CDH12: variants seen among roughly 807,000 people sequenced by gnomAD.
CDH12 encodes cadherin-12.
In CDH12, 41 loss-of-function variants were observed where a neutral mutation model predicts 74.1. The observed-to-expected ratio is 0.55, with a 90% confidence interval of 0.43 to 0.72. The LOEUF (loss-of-function observed/expected upper bound fraction) is 0.72, where lower values mean the gene tolerates loss of function less well. CDH12 is among the 30% of genes least tolerant of loss of function. The probability of loss-of-function intolerance (pLI) is 0.00; values close to 1 mark genes in which losing one functional copy is unlikely to be tolerated. For synonymous variants in CDH12, 399 were observed against 355.0 expected, an observed-to-expected ratio of 1.12 and a Z score of -1.39; for missense variants, 945 against 977.2, an observed-to-expected ratio of 0.97 and a Z score of 0.44.
At chr5:22,107,789 T>C (rs1012772270) in intron 4 of CDH12, among the ~76,000 whole-genome samples, 1 of 152,114 alleles carries the variant, frequency 6.6e-6, no homozygotes, top group Admixed American at 6.6e-5. Context: ...TATGGGTCCA[T>C]GAGGAGATAC....
At chr5:22,605,434 G>T (rs973340628) in intron 1 of CDH12, among the ~76,000 whole-genome samples, 2 of 152,192 alleles carry the variant, frequency 1.3e-5, no homozygotes, top group African/African-American at 2.4e-5. Context: ...TAAGGGTAAT[G>T]TTCTCAGACG....
chr5:22,132,342 G>A (rs1746219609), intron 4 of CDH12, among the ~76,000 whole-genome samples: 2 of 151,932 alleles, frequency 1.3e-5, no homozygotes, highest in South Asian at 2.1e-4. Flanking sequence ...CAAACAGGGG[G>A]CCCTTGCTAG....
intron 4 of CDH12, among the ~76,000 whole-genome samples, chr5:22,096,884 G>T (rs1205396988): frequency 6.6e-6 from 1 of 152,012 alleles, no homozygotes; most frequent in Non-Finnish European, 1.5e-5. Context: ...ATTAAATAAA[G>T]CTCCAAAAAT....
At chr5:22,621,522 T>C (rs1737972365) in intron 1 of CDH12, among the ~76,000 whole-genome samples, 1 of 152,056 alleles carries the variant, frequency 6.6e-6, no homozygotes, top group Non-Finnish European at 1.5e-5. Flanking sequence ...TTAGTGGGGA[T>C]GAATTACTAG....
chr5:22,279,779 T>G (rs1261050281), intron 3 of CDH12, among the ~76,000 whole-genome samples: 1 of 152,180 alleles, frequency 6.6e-6, no homozygotes, highest in African/African-American at 2.4e-5. Flanking sequence ...TCTATCATTG[T>G]TGGACATTTG....
chr5:22,698,684 T>G (rs1389498978), intron 1 of CDH12, among the ~76,000 whole-genome samples: 4 of 6,190 alleles, frequency 6.5e-4, no homozygotes, highest in Admixed American at 7.2e-3. Flanking sequence ...CAGATATATA[T>G]ATATATATAT....
At chr5:22,354,899 C>T (rs1740499162) in intron 3 of CDH12, among the ~76,000 whole-genome samples, 1 of 152,082 alleles carries the variant, frequency 6.6e-6, no homozygotes. Context: ...CATCTTTATG[C>T]AGGTTTAATC....
At chr5:22,827,082 C>T (rs1297124697) in intron 1 of CDH12, among the ~76,000 whole-genome samples, 1 of 152,172 alleles carries the variant, frequency 6.6e-6, no homozygotes, top group Non-Finnish European at 1.5e-5. Context: ...AAGTGGTTTC[C>T]TGGGCTGGGC....
chr5:22,701,231 TC>T (rs1427297026), intron 1 of CDH12, among the ~76,000 whole-genome samples: 5 of 152,120 alleles, frequency 3.3e-5, no homozygotes, highest in Non-Finnish European at 5.9e-5. Context: ...AAACAATTAA[TC>T]TACTATTACT....
chr5:22,294,058 C>T (rs557001455), intron 3 of CDH12, among the ~76,000 whole-genome samples: 14 of 151,954 alleles, frequency 9.2e-5, no homozygotes, highest in African/African-American at 3.1e-4. Flanking sequence ...TGTATATGCT[C>T]TTCAGGACAG....
At chr5:22,615,624 C>T (rs1192206451) in intron 1 of CDH12, among the ~76,000 whole-genome samples, 27 of 151,892 alleles carry the variant, frequency 1.8e-4, no homozygotes, top group Admixed American at 1.8e-3. Flanking sequence ...CCAAGGAAAG[C>T]AAAATAAATC....
intron 6 of CDH12, among the ~76,000 whole-genome samples, chr5:21,857,962 A>G (rs7732773): frequency 0.023 from 3,453 of 151,640 alleles, 97 homozygotes; most frequent in African/African-American, 0.071. Flanking sequence ...AGAGAGGGAG[A>G]GAGGCAGAGA....
chr5:21,780,657 T>G (rs560546775), intron 11 of CDH12, among the ~76,000 whole-genome samples: 1 of 152,162 alleles, frequency 6.6e-6, no homozygotes, highest in Admixed American at 6.5e-5. Flanking sequence ...AAGTAGAAGT[T>G]ATTGAAGAGA....
At chr5:22,178,267 A>G (rs1749448967) in intron 4 of CDH12, among the ~76,000 whole-genome samples, 1 of 152,134 alleles carries the variant, frequency 6.6e-6, no homozygotes, top group East Asian at 1.9e-4. Flanking sequence ...CTCAAATACC[A>G]TGGATACCAG....
chr5:22,195,669 T>C (rs1232501204), intron 4 of CDH12, among the ~76,000 whole-genome samples: 1 of 152,224 alleles, frequency 6.6e-6, no homozygotes, highest in Admixed American at 6.5e-5. Context: ...TATTTATACC[T>C]TTTAAACACA....
At chr5:22,062,219 A>G (rs1313559001) in intron 5 of CDH12, among the ~76,000 whole-genome samples, 2 of 152,172 alleles carry the variant, frequency 1.3e-5, no homozygotes, top group African/African-American at 2.4e-5. Context: ...TGGCACAGCT[A>G]TTATGAAATA....
intron 1 of CDH12, among the ~76,000 whole-genome samples, chr5:22,756,570 C>G (rs547686569): frequency 2.0e-5 from 3 of 152,216 alleles, no homozygotes; most frequent in South Asian, 2.1e-4. Context: ...ATTTCTAACT[C>G]TAAAAAGGAT....
intron 1 of CDH12, among the ~76,000 whole-genome samples, chr5:22,848,463 G>A (rs1282906026): frequency 6.6e-6 from 1 of 152,078 alleles, no homozygotes; most frequent in Non-Finnish European, 1.5e-5. Flanking sequence ...TTCTTGTCCA[G>A]TATTTTAGTT....
chr5:22,734,184 A>G (rs1425633555), intron 1 of CDH12, among the ~76,000 whole-genome samples: 1 of 151,994 alleles, frequency 6.6e-6, no homozygotes, highest in East Asian at 1.9e-4. Flanking sequence ...AACACACATT[A>G]AATGCTTAGA....
Sources: gnomAD v4.1 joint callset for allele counts (sites outside exome capture counted in the v4.1 genomes callset) on GRCh38, gnomAD v4.1.1 for gene constraint, MANE v1.5 for transcripts, NCBI Gene and HGNC (gene_info 2026-07-23, HGNC 2026-07-21) for gene names.